PLCB4: variants seen among roughly 807,000 people sequenced by gnomAD.
The protein encoded by PLCB4 is 1-phosphatidylinositol 4,5-bisphosphate phosphodiesterase beta-4.
Under a neutral mutation model 178.8 loss-of-function variants are expected in PLCB4, and 77 were observed. The ratio of observed to expected loss-of-function variants is 0.43; its 90% CI spans 0.36 to 0.52. The LOEUF (loss-of-function observed/expected upper bound fraction) is 0.52. Among genes scored for constraint, PLCB4 ranks in the 20% least tolerant of loss-of-function variants. The pLI is 0.00. For synonymous variants in PLCB4, 496 were observed against 490.8 expected (o/e 1.01, Z -0.14); for missense variants, 1,024 against 1,453.4 (o/e 0.70, Z 4.80).
intron 4 of PLCB4, among the ~76,000 whole-genome samples, chr20:9,312,538 G>A (rs1447745370): frequency 2.0e-5 from 3 of 152,084 alleles, no homozygotes; most frequent in African/African-American, 7.2e-5. Flanking sequence ...CTCTTTCCAA[G>A]GTGGTTCTGA....
chr20:9,103,209 C>CT (rs1257700175), intron 2 of PLCB4, among the ~76,000 whole-genome samples: 1 of 152,032 alleles, frequency 6.6e-6, no homozygotes, highest in African/African-American at 2.4e-5. Context: ...ACTTTTTGGT[C>CT]TAAGACCCTT....
intron 25 of PLCB4, among the ~76,000 whole-genome samples, chr20:9,414,098 C>T (rs1258108505): frequency 6.6e-6 from 1 of 152,210 alleles, no homozygotes; most frequent in Non-Finnish European, 1.5e-5. Flanking sequence ...AATACCTTCA[C>T]AGAAAAGGAT....
At chr20:9,265,992 A>G (rs764769517) in intron 3 of PLCB4, among the ~76,000 whole-genome samples, 4 of 152,200 alleles carry the variant, frequency 2.6e-5, no homozygotes, top group Non-Finnish European at 4.4e-5. Context: ...TAAAAATAGT[A>G]CTTGGAAAAA....
At chr20:9,150,576 T>C (rs992758492) in intron 2 of PLCB4, among the ~76,000 whole-genome samples, 3 of 152,298 alleles carry the variant, frequency 2.0e-5, no homozygotes, top group Admixed American at 6.5e-5. Flanking sequence ...ATACTTACTA[T>C]GTAGCCATGG....
At chr20:9,147,592 G>A (rs1435291735) in intron 2 of PLCB4, among the ~76,000 whole-genome samples, 3 of 152,006 alleles carry the variant, frequency 2.0e-5, no homozygotes, top group African/African-American at 7.2e-5. Flanking sequence ...AGCTGACCTA[G>A]GGTGGCATAG....
chr20:9,127,938 C>T (rs6140868), intron 2 of PLCB4, among the ~76,000 whole-genome samples: 29,978 of 152,028 alleles, frequency 0.2, 3,948 homozygotes, highest in East Asian at 0.55. Flanking sequence ...CTGCCCGCCT[C>T]GGCCTCCCAA....
chr20:9,154,895 C>T (rs1382853040), intron 2 of PLCB4, among the ~76,000 whole-genome samples: 8 of 105,262 alleles, frequency 7.6e-5, no homozygotes, highest in African/African-American at 2.9e-4. Context: ...TTCCCTCCTT[C>T]CCTCCTTCCC....
intron 25 of PLCB4, among the ~76,000 whole-genome samples, chr20:9,413,383 C>G (rs984700291): frequency 1.3e-5 from 2 of 149,560 alleles, no homozygotes; most frequent in African/African-American, 5.1e-5. Flanking sequence ...GAGGCCGAGG[C>G]GGGCAGTGGC....
chr20:9,379,949 A>G (rs890961598), intron 12 of PLCB4, 105 bp from the exon 13 acceptor site: 58 of 588,030 alleles, frequency 9.9e-5, no homozygotes, highest in Non-Finnish European at 1.4e-4. Context: ...AATTATAAAC[A>G]TGACAGTCTA....
intron 2 of PLCB4, among the ~76,000 whole-genome samples, chr20:9,127,886 C>G (rs1024258425): frequency 5.3e-5 from 8 of 152,114 alleles, no homozygotes; most frequent in Admixed American, 2.6e-4. Context: ...GGGGTTTTAT[C>G]ATGTTGGCCA....
intron 13 of PLCB4, 42 bp downstream of exon 13, chr20:9,380,204 A>T: frequency 1.0e-6 from 1 of 984,712 alleles, no homozygotes; most frequent in Admixed American, 2.3e-5. Context: ...AAAACAAGAA[A>T]AGATGCAACT....
At position 9,116,852 on chromosome 20, in the gene PLCB4, AG is replaced by A. The variant is rs1326734319; in HGVS notation, c.-79+20512del. Among the ~76,000 whole-genome samples, 6 of 152,200 alleles carry A rather than the reference AG, an allele frequency of 3.9e-5. No individual in the cohort carries two copies. In the East Asian group the frequency reaches 1.2e-3, roughly 29 times the overall value. On this transcript the variant is annotated intron_variant, in intron 2 of 39. Coordinates refer to ENST00000378473, the MANE Select transcript of PLCB4 (RefSeq NM_001377142.1). ...ATATGCTGGCTCTAACTATTGATTT[AG>A]GTCATTTTTAATGTCTCTCAAAAAT...
At chr20:9,177,245 C>T (rs957850142) in intron 2 of PLCB4, among the ~76,000 whole-genome samples, 2 of 152,058 alleles carry the variant, frequency 1.3e-5, no homozygotes, top group Non-Finnish European at 2.9e-5. Flanking sequence ...ATAAAAATAA[C>T]CTCGTCTCTA....
intron 3 of PLCB4, among the ~76,000 whole-genome samples, chr20:9,294,531 C>T (rs2094612093): frequency 6.6e-6 from 1 of 152,144 alleles, no homozygotes; most frequent in African/African-American, 2.4e-5. Flanking sequence ...AGCGTGCATT[C>T]TAGACAAATG....
intron 2 of PLCB4, among the ~76,000 whole-genome samples, chr20:9,117,077 A>G (rs926294287): frequency 1.3e-5 from 2 of 152,176 alleles, no homozygotes; most frequent in African/African-American, 2.4e-5. Flanking sequence ...GAATTTGTCT[A>G]CAGATTCATT....
At chr20:9,356,305 C>G (rs1351826348) in intron 7 of PLCB4, among the ~76,000 whole-genome samples, 1 of 152,064 alleles carries the variant, frequency 6.6e-6, no homozygotes, top group Non-Finnish European at 1.5e-5. Flanking sequence ...TAATTAGATC[C>G]CATTTGTCAA....
chr20:9,182,034 C>T (rs759131583), intron 2 of PLCB4, among the ~76,000 whole-genome samples: 15 of 152,068 alleles, frequency 9.9e-5, no homozygotes, highest in South Asian at 2.1e-4. Context: ...GTTGAGAGGG[C>T]GGTGTCTGTT....
At chr20:9,112,412 G>A (rs571934275) in intron 2 of PLCB4, among the ~76,000 whole-genome samples, 1 of 151,966 alleles carries the variant, frequency 6.6e-6, no homozygotes, top group African/African-American at 2.4e-5. Flanking sequence ...GGGCCACCAT[G>A]CCTGGCTAAT....
chr20:9,132,014 G>C (rs1377798238), intron 2 of PLCB4, among the ~76,000 whole-genome samples: 1 of 152,150 alleles, frequency 6.6e-6, no homozygotes, highest in Non-Finnish European at 1.5e-5. Flanking sequence ...GCAGTCTATT[G>C]AGTGACCTCA....
Sources: gnomAD v4.1 joint callset for allele counts (sites outside exome capture counted in the v4.1 genomes callset) on GRCh38, gnomAD v4.1.1 for gene constraint, MANE v1.5 for transcripts, NCBI Gene and HGNC (gene_info 2026-07-23, HGNC 2026-07-21) for gene names.